The following GSK3B variants were observed in gnomAD, a reference collection of about 807,000 sequenced individuals.
The protein encoded by GSK3B is glycogen synthase kinase 3 beta.
GSK3B carries 15 observed loss-of-function variants against 56.4 expected under a neutral mutation model. The ratio of observed to expected loss-of-function variants is 0.27; its 90% confidence interval spans 0.18 to 0.41. GSK3B has a LOEUF of 0.41. Ranked by LOEUF, GSK3B falls within the 10% of genes least tolerant of loss-of-function variation. The pLI, the probability that GSK3B is intolerant of heterozygous loss-of-function variation, is 1.00. For synonymous variants in GSK3B, 181 were observed against 188.9 expected (o/e 0.96, Z 0.34); for missense variants, 300 against 513.4 (o/e 0.58, Z 4.02).
chr3:119,955,740 G>A (rs1214606093), intron 2 of GSK3B, among the ~76,000 whole-genome samples: 4 of 152,048 alleles, frequency 2.6e-5, no homozygotes, highest in South Asian at 2.1e-4. Context: ...TGCAACCTCC[G>A]CCTCCTGGGT....
chr3:120,061,992 A>C (rs2058241133), intron 1 of GSK3B, among the ~76,000 whole-genome samples: 1 of 152,110 alleles, frequency 6.6e-6, no homozygotes, highest in East Asian at 1.9e-4. Context: ...TTGGCCTCCC[A>C]AAGTGTTGGG....
chr3:119,913,452 A>G (rs1283360686), intron 5 of GSK3B, among the ~76,000 whole-genome samples: 1 of 152,124 alleles, frequency 6.6e-6, no homozygotes, highest in East Asian at 1.9e-4. Context: ...TCTTATTCCA[A>G]TTTTCCTACT....
intron 1 of GSK3B, among the ~76,000 whole-genome samples, chr3:120,006,591 G>C (rs1010566354): frequency 2.6e-5 from 4 of 152,166 alleles, no homozygotes; most frequent in African/African-American, 7.2e-5. Context: ...AATCAAATTA[G>C]AACTCAGCAT....
At chr3:120,027,985 C>T (rs907597443) in intron 1 of GSK3B, among the ~76,000 whole-genome samples, 68 of 152,250 alleles carry the variant, frequency 4.5e-4, no homozygotes, top group Middle Eastern at 3.4e-3. Context: ...TAGAACACTT[C>T]AAACTAAAAA....
At chr3:120,066,065 A>C (rs2058275834) in intron 1 of GSK3B, among the ~76,000 whole-genome samples, 1 of 152,182 alleles carries the variant, frequency 6.6e-6, no homozygotes, top group Non-Finnish European at 1.5e-5. Context: ...AATGCTAATG[A>C]TTGTACACTT....
At chr3:120,020,504 T>A (rs1248358760) in intron 1 of GSK3B, among the ~76,000 whole-genome samples, 3 of 152,196 alleles carry the variant, frequency 2.0e-5, no homozygotes, top group African/African-American at 7.2e-5. Context: ...CTTTTCACTA[T>A]TATTATACCC....
intron 9 of GSK3B, 90 bp downstream of exon 9, chr3:119,863,329 C>T: frequency 9.6e-7 from 1 of 1,042,002 alleles, no homozygotes; most frequent in Non-Finnish European, 1.5e-6. Flanking sequence ...CCGTTTTTGT[C>T]CTCCACAGAT....
Position 119,864,896 on chromosome 3 carries a change from C to T in GSK3B, c.910-1291G>A, listed in dbSNP as rs538774684. On this transcript the variant is annotated intron_variant, in intron 8 of 10. Transcript: ENST00000264235. The stretch of plus-strand genomic sequence containing the variant: ...AAAGTAGGCTCTTAGGAAATTATTT[C>T]GGAACATAAAGAAAGGCCTTAGTCA... Among the ~76,000 whole-genome samples, 3 of 152,194 alleles carry T rather than the reference C, an allele frequency of 2.0e-5. No individual in the cohort carries two copies. In the East Asian group the frequency reaches 5.8e-4, roughly 29 times the overall value.
chr3:119,829,983 T>G (rs2055573852), intron 10 of GSK3B, among the ~76,000 whole-genome samples: 1 of 152,184 alleles, frequency 6.6e-6, no homozygotes, highest in Admixed American at 6.5e-5. Flanking sequence ...TGAGCTCCAC[T>G]TAAAATCAAA....
chr3:119,984,208 T>A (rs1179126189), intron 2 of GSK3B, among the ~76,000 whole-genome samples: 3 of 152,050 alleles, frequency 2.0e-5, no homozygotes, highest in Admixed American at 2.0e-4. Flanking sequence ...TTTAAAGCAG[T>A]GTGTAGAGGG....
chr3:119,963,029 G>A (rs923224490), intron 2 of GSK3B, among the ~76,000 whole-genome samples: 1 of 152,086 alleles, frequency 6.6e-6, no homozygotes, highest in African/African-American at 2.4e-5. Context: ...GCAGCCTGAG[G>A]GTTGGGGGCC....
chr3:119,995,565 A>C (rs2057608328), intron 2 of GSK3B, among the ~76,000 whole-genome samples: 1 of 151,532 alleles, frequency 6.6e-6, no homozygotes. Context: ...CCCGGGTTCA[A>C]GTGATTCTCC....
intron 8 of GSK3B, among the ~76,000 whole-genome samples, chr3:119,867,854 A>G (rs1264098294): frequency 6.6e-6 from 1 of 152,196 alleles, no homozygotes. Context: ...TTTAGTACAC[A>G]GATTAAAATC....
At chr3:120,036,226 ACT>A (rs2058021559) in intron 1 of GSK3B, among the ~76,000 whole-genome samples, 1 of 152,182 alleles carries the variant, frequency 6.6e-6, no homozygotes, top group South Asian at 2.1e-4. Flanking sequence ...GCTCACTGGT[ACT>A]CTCTAATGTG....
At chr3:120,069,279 T>C (rs576074700) in intron 1 of GSK3B, among the ~76,000 whole-genome samples, 25 of 152,080 alleles carry the variant, frequency 1.6e-4, no homozygotes, top group African/African-American at 5.8e-4. Flanking sequence ...AAGTAGGAAA[T>C]AAAAAGGAAG....
At chr3:119,869,486 G>A (rs2056226527) in intron 8 of GSK3B, among the ~76,000 whole-genome samples, 2 of 152,078 alleles carry the variant, frequency 1.3e-5, no homozygotes, top group South Asian at 2.1e-4. Context: ...AAGCCTTTTC[G>A]TTAAGATACC....
chr3:119,989,212 C>A, intron 2 of GSK3B, among the ~76,000 whole-genome samples: 1 of 152,122 alleles, frequency 6.6e-6, no homozygotes, highest in Non-Finnish European at 1.5e-5. Context: ...TCTAGTGAAT[C>A]CACGGAACCC....
chr3:119,989,686 A>C (rs992930228), intron 2 of GSK3B, among the ~76,000 whole-genome samples: 1 of 151,958 alleles, frequency 6.6e-6, no homozygotes, highest in African/African-American at 2.4e-5. Flanking sequence ...GGAAATATCT[A>C]AACAACCAAA....
chr3:119,902,579 T>C (rs1455134958), intron 7 of GSK3B, among the ~76,000 whole-genome samples: 1 of 152,144 alleles, frequency 6.6e-6, no homozygotes, highest in Non-Finnish European at 1.5e-5. Flanking sequence ...ATATTTTTAG[T>C]AGAGACAGGG....
Sources: gnomAD v4.1 joint callset for allele counts (sites outside exome capture counted in the v4.1 genomes callset) on GRCh38, gnomAD v4.1.1 for gene constraint, MANE v1.5 for transcripts, NCBI Gene and HGNC (gene_info 2026-07-23, HGNC 2026-07-21) for gene names.